BMPR1A: variants seen among roughly 807,000 people sequenced by gnomAD.
BMPR1A encodes bone morphogenetic protein receptor type 1A.
Under a neutral mutation model 66.0 loss-of-function variants are expected in BMPR1A, and 7 were observed. The observed-to-expected ratio is 0.11, with a 90% CI of 0.06 to 0.20. BMPR1A has a LOEUF of 0.20. Ranked by LOEUF, BMPR1A falls within the 10% of genes least tolerant of loss-of-function variation. The probability of loss-of-function intolerance (pLI) is 1.00; values close to 1 mark genes in which losing one functional copy is unlikely to be tolerated. For synonymous variants in BMPR1A, 200 were observed against 229.7 expected, an observed-to-expected ratio of 0.87 and a Z score of 1.17; for missense variants, 408 against 669.1, an observed-to-expected ratio of 0.61 and a Z score of 4.31.
In BMPR1A at chr10:86,785,676, C is replaced by T. The variant is rs180766869; in HGVS notation, c.-268+28757C>T. Among the ~76,000 whole-genome samples the T allele has an allele frequency of 2.0e-5, 3 of 152,290 alleles. 1 individual carries two copies. Among genetic ancestry groups the T allele is most frequent in the African/African-American group, 7.2e-5 (3 of 41,546 alleles). On this transcript the variant is annotated intron_variant, in intron 1 of 12. Coordinates refer to ENST00000372037, the MANE Select transcript of BMPR1A (RefSeq NM_004329.3). Reference sequence around the variant, plus strand: ...TCAAATTCTGTGTCTCCTCATTGATCCGCTCTCCGGTGGTTCTGTCCATTA... The same window carrying T: ...TCAAATTCTGTGTCTCCTCATTGATTCGCTCTCCGGTGGTTCTGTCCATTA...
intron 1 of BMPR1A, among the ~76,000 whole-genome samples, chr10:86,757,615 G>A (rs1847898252): frequency 6.6e-6 from 1 of 152,182 alleles, no homozygotes; most frequent in Admixed American, 6.5e-5. Flanking sequence ...TTTGAGCGTG[G>A]TACTCTTTCA....
chr10:86,854,947 TTC>T, intron 2 of BMPR1A: 1 of 171,114 alleles, frequency 5.8e-6, no homozygotes, highest in Non-Finnish European at 1.2e-5. Context: ...TTTTTTTTTT[TTC>T]TTTTTGAGAC....
At chr10:86,854,422 G>C (rs540065008) in intron 2 of BMPR1A, among the ~76,000 whole-genome samples, 27 of 152,314 alleles carry the variant, frequency 1.8e-4, no homozygotes, top group Non-Finnish European at 3.1e-4. Context: ...CAAGGGTATT[G>C]ATTGAGGAAG....
chr10:86,808,562 T>G (rs1356885135), intron 1 of BMPR1A, among the ~76,000 whole-genome samples: 1 of 152,232 alleles, frequency 6.6e-6, no homozygotes, highest in Admixed American at 6.5e-5. Context: ...TGGCCTGAGT[T>G]TGAATCCTAG....
chr10:86,931,413 C>T (rs1463704509), downstream of BMPR1A: 1 of 148,198 alleles, frequency 6.7e-6, no homozygotes, highest in Non-Finnish European at 1.5e-5. Context: ...ACATCTGTTG[C>T]TCTACTGTAT....
intron 1 of BMPR1A, among the ~76,000 whole-genome samples, chr10:86,761,775 T>A (rs772533141): frequency 3.9e-5 from 6 of 152,158 alleles, no homozygotes; most frequent in Non-Finnish European, 8.8e-5. Flanking sequence ...GGAATGGGAT[T>A]GGCAAGAACA....
At chr10:86,909,726 C>T (rs1409198482) in intron 7 of BMPR1A, among the ~76,000 whole-genome samples, 1 of 151,846 alleles carries the variant, frequency 6.6e-6, no homozygotes, top group Non-Finnish European at 1.5e-5. Flanking sequence ...CATTACCAAG[C>T]CATGGAGAAC....
At chr10:86,829,031 A>C (rs1039995491) in intron 1 of BMPR1A, among the ~76,000 whole-genome samples, 1 of 152,078 alleles carries the variant, frequency 6.6e-6, no homozygotes, top group African/African-American at 2.4e-5. Flanking sequence ...CTCCCCTCGG[A>C]ATTGCCACAC....
At chr10:86,916,539 G>A (rs1843570870) in intron 8 of BMPR1A, among the ~76,000 whole-genome samples, 1 of 152,212 alleles carries the variant, frequency 6.6e-6, no homozygotes, top group African/African-American at 2.4e-5. Context: ...TTTATCCAAA[G>A]CAAGTCATGT....
chr10:86,912,359 G>T lies in BMPR1A; in HGVS notation c.650G>T (p.Gly217Val), dbSNP rs1843504054. 1 of 1,614,022 alleles carries T rather than the reference G, an allele frequency of 6.2e-7. No individual in the cohort carries two copies. The highest frequency in any genetic ancestry group is 8.5e-7 in the Non-Finnish European group (1 of 1,179,980). ...KDLIDQSQSS[G>V]SGSGLPLLVQ... is the part of the protein sequence containing the mutation. ...CTTATTGACCAGTCACAAAGTTCTG[G>T]TAGTGGGTCTGGACTACCTTTATTG... The change falls in exon 8 of 13, where the codon GGT (glycine) becomes GTT (valine). Residue 217 changes from glycine to valine, a missense_variant. Physicochemically the swap from Gly to Val is moderately radical, Grantham distance 109. This residue lies in a region of BMPR1A where 174 missense variants were observed against 265.1 expected (regional missense o/e 0.66). Coordinates refer to ENST00000372037, the MANE Select transcript of BMPR1A (RefSeq NM_004329.3).
rs141608069 is a variant in BMPR1A at position 86,912,296 on chromosome 10, A to G, written c.587A>G (p.Asp196Gly). The G allele has an allele frequency of 9.9e-6, 16 of 1,613,876 alleles. No homozygotes were observed. The highest frequency in any genetic ancestry group is 1.4e-5 in the Non-Finnish European group (16 of 1,179,962). Residue 196 changes from aspartate (D) to glycine (G), a missense_variant, in exon 8 of 13, where the codon GAT becomes GGT. By Grantham distance (94) the Asp-to-Gly change is moderately conservative (BLOSUM62 -1). Transcript: ENST00000372037. Reference sequence around the variant, plus strand: ...CGTTACAATCGTGATTTGGAACAGGATGAAGCATTTATTCCAGTTGGAGAA... The same window carrying G: ...CGTTACAATCGTGATTTGGAACAGGGTGAAGCATTTATTCCAGTTGGAGAA... Reference protein sequence around the residue: ...RRRYNRDLEQDEAFIPVGESL... With the variant: ...RRRYNRDLEQGEAFIPVGESL...
rs113238045 is a variant in BMPR1A, at chr10:86,819,801, A to G, written c.-267-19064A>G. On this transcript the variant is annotated intron_variant, in intron 1 of 12. Coordinates refer to ENST00000372037, the MANE Select transcript of BMPR1A (RefSeq NM_004329.3). ...CAGGCATACCATGGGTTCTTCAGTT[A>G]TGAGTGGCATAGCTTATGTACATGT... Among the ~76,000 whole-genome samples the G allele has an allele frequency of 4.4e-3, 667 of 152,284 alleles. 9 individuals are homozygous for G. The highest frequency in any genetic ancestry group is 0.015 in the African/African-American group (630 of 41,550).
chr10:86,919,298 T>A lies in BMPR1A; in HGVS notation c.995T>A (p.Leu332His). 1 of 1,614,010 alleles carries A rather than the reference T, an allele frequency of 6.2e-7. No homozygotes were observed. Among genetic ancestry groups the A allele is most frequent in the South Asian group, 1.1e-5 (1 of 91,082 alleles). The change falls in exon 10 of 13, where the codon CTT becomes CAT. Residue 332 changes from leucine to histidine, a missense_variant. Transcript: ENST00000372037. Reference sequence around the variant, plus strand: ...GCTACACTGGACACCAGAGCCCTGCTTAAATTGGCTTATTCAGCTGCCTGT... The same window carrying A: ...GCTACACTGGACACCAGAGCCCTGCATAAATTGGCTTATTCAGCTGCCTGT... ...KCATLDTRALLKLAYSAACGL... is the reference protein window; with the variant it reads ...KCATLDTRALHKLAYSAACGL...
chr10:86,911,025 C>T (rs1843473416), intron 7 of BMPR1A, among the ~76,000 whole-genome samples: 1 of 151,954 alleles, frequency 6.6e-6, no homozygotes, highest in Admixed American at 6.5e-5. Context: ...CGTAGTGGAA[C>T]ATACCAGTAG....
intron 7 of BMPR1A, among the ~76,000 whole-genome samples, chr10:86,905,194 C>G (rs1301405799): frequency 1.3e-5 from 2 of 152,136 alleles, no homozygotes; most frequent in African/African-American, 4.8e-5. Context: ...GACCCATGAT[C>G]CTCAAAACCT....
chr10:86,883,606 A>T (rs561596188), intron 3 of BMPR1A, among the ~76,000 whole-genome samples: 1 of 145,908 alleles, frequency 6.9e-6, no homozygotes, highest in African/African-American at 2.5e-5. Context: ...CACCGTCTCT[A>T]CTAAAAATAC....
At chr10:86,791,442 C>A (rs1431659686) in intron 1 of BMPR1A, among the ~76,000 whole-genome samples, 1 of 151,584 alleles carries the variant, frequency 6.6e-6, no homozygotes, top group Non-Finnish European at 1.5e-5. Context: ...TCAATCTCCT[C>A]ACCTCGTGAT....
chr10:86,884,394 A>ATTTTTTTTTTTTTTTTTTTTTTT (rs759424209), intron 3 of BMPR1A, among the ~76,000 whole-genome samples: 2 of 49,348 alleles, frequency 4.1e-5, no homozygotes, highest in African/African-American at 5.7e-5. Flanking sequence ...CAAACACATG[A>ATTTTTTTTTTTTTTTTTTTTTTT]TTTTTTTTTT....
chr10:86,894,206 C>G (rs1564716149), intron 5 of BMPR1A, among the ~76,000 whole-genome samples: 2 of 152,344 alleles, frequency 1.3e-5, no homozygotes, highest in East Asian at 3.9e-4. Context: ...TATTCTTGAA[C>G]CATTGAGCCT....
Sources: allele counts gnomAD v4.1 joint callset (sites outside exome capture counted in the v4.1 genomes callset), GRCh38; gene constraint gnomAD v4.1.1; regional missense constraint gnomAD v4.1.1; transcripts MANE v1.5; gene names NCBI Gene and HGNC (gene_info 2026-07-23, HGNC 2026-07-21).